Variants in UXS1 observed in about 807,000 individuals in gnomAD.
The protein encoded by UXS1 is UDP-glucuronic acid decarboxylase 1.
A neutral mutation model predicts 62.6 loss-of-function variants in UXS1; 33 were observed. The ratio of observed to expected loss-of-function variants is 0.53; its 90% CI spans 0.40 to 0.70. The LOEUF (loss-of-function observed/expected upper bound fraction) is 0.70, where lower values mean the gene tolerates loss of function less well. Ranked by LOEUF, UXS1 falls within the 30% of genes least tolerant of loss-of-function variation. The pLI is 0.00. For missense variants in UXS1, 434 were observed against 556.3 expected, an observed-to-expected ratio of 0.78 and a Z score of 2.21; for synonymous variants, 213 against 206.8, an observed-to-expected ratio of 1.03 and a Z score of -0.26.
rs975709645 is a variant in UXS1 at position 106,093,567 on chromosome 2, A to G, written c.*459T>C. 2.0e-5 allele frequency: 3 copies of G among 153,304 alleles called. No homozygotes were observed. Among genetic ancestry groups the G allele is most frequent in the African/African-American group, 7.2e-5 (3 of 41,436 alleles). 9.5% of individuals were successfully genotyped at this position (153,304 alleles called of 1,614,324 possible). On this transcript the variant is annotated 3_prime_UTR_variant, in exon 15 of 15. Coordinates refer to ENST00000283148, the MANE Select transcript of UXS1 (RefSeq NM_001253875.2). The stretch of plus-strand genomic sequence containing the variant: ...GAATTCTTTTATCTGCCCTAAAATC[A>G]ATGCCGGCGCACCACCACCTGACAA...
chr2:106,093,415 A>G lies in UXS1; in HGVS notation c.*611T>C, dbSNP rs1256799238. The G allele has an allele frequency of 6.9e-6, 1 of 145,404 alleles. No homozygotes were observed. The highest frequency in any genetic ancestry group is 1.5e-5 in the Non-Finnish European group (1 of 66,008). The allele number at this position is 145,404 out of a possible 1,614,324, so 9.0% of individuals were successfully genotyped here. ...CTGCCCCCGCCCCAGATACGCAGCA[A>G]AACACAGTAGTGATTTCAAATATCC... On this transcript the variant is annotated 3_prime_UTR_variant, in exon 15 of 15. Transcript: ENST00000283148.
At chr2:106,119,854 T>C (rs1484500795) in intron 9 of UXS1, among the ~76,000 whole-genome samples, 1 of 152,192 alleles carries the variant, frequency 6.6e-6, no homozygotes, top group Non-Finnish European at 1.5e-5. Context: ...AATCTTTATA[T>C]AGTGGTGTTT....
rs577611286 is a variant in UXS1, at chr2:106,097,102, G to A, written c.1043-281C>T. On this transcript the variant is annotated intron_variant, in intron 13 of 14. Transcript: ENST00000283148. Reference sequence around the variant, plus strand: ...TCTGTCTCAACAGGCCTGAGTTACCGCCCACTACAAGAGGGTTGCTCCAAG... The same window carrying A: ...TCTGTCTCAACAGGCCTGAGTTACCACCCACTACAAGAGGGTTGCTCCAAG... 2.7e-4 allele frequency: 151 copies of A among 550,076 alleles called. 1 individual carries two copies. In the East Asian group the frequency reaches 3.0e-3, roughly 11 times the overall value. The allele number at this position is 550,076 out of a possible 1,614,324, so 34.1% of individuals were successfully genotyped here.
chr2:106,184,875 C>A (rs1684465476), intron 1 of UXS1, among the ~76,000 whole-genome samples: 4 of 152,152 alleles, frequency 2.6e-5, no homozygotes, highest in Admixed American at 2.6e-4. Context: ...GCTCAGGAGA[C>A]ATGCACACCA....
intron 3 of UXS1, among the ~76,000 whole-genome samples, chr2:106,164,326 C>T (rs1179887453): frequency 2.0e-5 from 3 of 151,960 alleles, no homozygotes; most frequent in Non-Finnish European, 2.9e-5. Context: ...AGCATAGGTG[C>T]TAGCCTTCAG....
intron 5 of UXS1, among the ~76,000 whole-genome samples, chr2:106,156,652 C>G (rs1466600346): frequency 1.3e-5 from 2 of 152,128 alleles, no homozygotes; most frequent in Admixed American, 6.5e-5. Flanking sequence ...CACACACATC[C>G]GCCTGTATAC....
intron 14 of UXS1, among the ~76,000 whole-genome samples, chr2:106,095,845 T>C (rs1340297766): frequency 6.6e-6 from 1 of 152,164 alleles, no homozygotes; most frequent in Non-Finnish European, 1.5e-5. Context: ...AGGACGAGCG[T>C]TCTCTGGCGG....
chr2:106,114,599 A>G (rs1678913367), intron 9 of UXS1, among the ~76,000 whole-genome samples: 1 of 152,240 alleles, frequency 6.6e-6, no homozygotes, highest in South Asian at 2.1e-4. Context: ...CAAAATTTGC[A>G]GCAAATCAAA....
intron 14 of UXS1, among the ~76,000 whole-genome samples, chr2:106,094,761 A>G (rs963010803): frequency 1.1e-4 from 17 of 152,240 alleles, no homozygotes; most frequent in African/African-American, 4.1e-4. Context: ...GAAACCAGCC[A>G]GATCAACTGC....
chr2:106,166,154 T>C, intron 1 of UXS1, 71 bp from the exon 2 acceptor site: 2 of 1,410,308 alleles, frequency 1.4e-6, no homozygotes, highest in South Asian at 1.3e-5. Context: ...GGATGGAATC[T>C]TAAATTTTAA....
intron 2 of UXS1, among the ~76,000 whole-genome samples, chr2:106,165,521 CTATT>C (rs1158640227): frequency 6.6e-6 from 1 of 151,692 alleles, no homozygotes; most frequent in Non-Finnish European, 1.5e-5. Context: ...TTTTTAAAGG[CTATT>C]TTTTTTTATT....
At chr2:106,123,187 AC>A in intron 8 of UXS1, 96 bp from the exon 9 acceptor site, 1 of 1,547,636 alleles carries the variant, frequency 6.5e-7, no homozygotes. Context: ...CTTCGGAAAG[AC>A]CCATTTAGAG....
At position 106,194,256 on chromosome 2, in the gene UXS1, CG is replaced by C. The variant is rs1342490769; in HGVS notation, c.-16del. The C allele has an allele frequency of 2.9e-6, 4 of 1,366,880 alleles. No homozygotes were observed. The African/African-American group carries it at 6.2e-5, about 21-fold the overall frequency. 84.7% of individuals were successfully genotyped at this position (1,366,880 alleles called of 1,614,324 possible). On this transcript the variant is annotated 5_prime_UTR_variant, in exon 1 of 15. Coordinates refer to ENST00000283148, the MANE Select transcript of UXS1 (RefSeq NM_001253875.2). ...TTGCTCACCATCCCCGGGAGCCGCGCGGGTCCAGGGCCCTACCGCGCGGGGG... is the reference window on the plus strand; with the variant it reads ...TTGCTCACCATCCCCGGGAGCCGCGCGGTCCAGGGCCCTACCGCGCGGGGG...
chr2:106,128,794 A>G (rs1441017935), intron 7 of UXS1, among the ~76,000 whole-genome samples: 1 of 152,154 alleles, frequency 6.6e-6, no homozygotes. Context: ...AAAATATTGC[A>G]TCTAAGAGAT....
At chr2:106,118,596 T>A (rs1679254858) in intron 9 of UXS1, among the ~76,000 whole-genome samples, 1 of 152,226 alleles carries the variant, frequency 6.6e-6, no homozygotes, top group African/African-American at 2.4e-5. Flanking sequence ...GGAAAGGCTC[T>A]GCCCTTTGAT....
At chr2:106,097,479 A>C (rs1317253132) in intron 13 of UXS1, 2 of 339,476 alleles carry the variant, frequency 5.9e-6, no homozygotes, top group Admixed American at 3.8e-5. Flanking sequence ...CTCTGCAGCG[A>C]ATCACCACCA....
chr2:106,164,209 A>G (rs1232364606), intron 3 of UXS1, among the ~76,000 whole-genome samples: 2 of 152,214 alleles, frequency 1.3e-5, no homozygotes, highest in Non-Finnish European at 2.9e-5. Context: ...GGACTCCCTA[A>G]GTTGGCTTCA....
intron 2 of UXS1, 118 bp downstream of exon 2, chr2:106,165,938 C>A: frequency 2.1e-6 from 2 of 951,724 alleles, no homozygotes; most frequent in East Asian, 2.8e-5. Context: ...ATAGCAAGAA[C>A]CCACTTTTGT....
intron 5 of UXS1, among the ~76,000 whole-genome samples, chr2:106,148,470 A>G (rs1681755460): frequency 6.6e-6 from 1 of 152,220 alleles, no homozygotes; most frequent in South Asian, 2.1e-4. Flanking sequence ...TTATCTCTGC[A>G]CCCAAAATAC....
Sources: allele counts gnomAD v4.1 joint callset (sites outside exome capture counted in the v4.1 genomes callset), GRCh38; gene constraint gnomAD v4.1.1; transcripts MANE v1.5; gene names NCBI Gene and HGNC (gene_info 2026-07-23, HGNC 2026-07-21).